ANKRD28: variants seen among roughly 807,000 people sequenced by gnomAD.
ANKRD28 encodes ankyrin repeat domain 28, also known as serine/threonine-protein phosphatase 6 regulatory ankyrin repeat subunit A.
Under a neutral mutation model 126.5 loss-of-function variants are expected in ANKRD28, and 44 were observed. The observed-to-expected ratio is 0.35, with a 90% CI of 0.27 to 0.45. The LOEUF (loss-of-function observed/expected upper bound fraction) is 0.45. Among genes scored for constraint, ANKRD28 ranks in the 20% least tolerant of loss-of-function variants. The probability of loss-of-function intolerance (pLI) is 1.00; values close to 1 mark genes in which losing one functional copy is unlikely to be tolerated. For missense variants in ANKRD28, 1,110 were observed against 1,316.6 expected (o/e 0.84, Z 2.43); for synonymous variants, 442 against 468.5 (o/e 0.94, Z 0.73).
chr3:15,764,233 A>T (rs556805994), intron 3 of ANKRD28, among the ~76,000 whole-genome samples: 2 of 152,196 alleles, frequency 1.3e-5, no homozygotes, highest in African/African-American at 2.4e-5. Flanking sequence ...AAAAATAAAA[A>T]AAGTATTTTT....
intron 3 of ANKRD28, among the ~76,000 whole-genome samples, chr3:15,762,209 A>AAAAC (rs2058508948): frequency 2.3e-5 from 1 of 43,684 alleles, no homozygotes; most frequent in Non-Finnish European, 5.9e-5. Context: ...AAAAAAAAAA[A>AAAAC]AAAACAAAAC....
Position 15,797,161 on chromosome 3 carries a change from GA to G in ANKRD28, c.-641del. The stretch of plus-strand genomic sequence containing the variant: ...GCACAAATCCTGAAAATGAAGCTCA[GA>G]GGTTAACAATTCTTTCAGTGTTTGG... On this transcript the variant is annotated 5_prime_UTR_variant, in exon 1 of 28. Coordinates refer to ENST00000683139, the MANE Select transcript of ANKRD28 (RefSeq NM_001349278.2). 1.0e-6 allele frequency: 1 copy of G among 960,438 alleles called. No homozygotes were observed. The highest frequency in any genetic ancestry group is 1.8e-5 in the African/African-American group (1 of 54,374). The allele number at this position is 960,438 out of a possible 1,614,324, so 59.5% of individuals were successfully genotyped here.
At chr3:15,783,067 A>G (rs1461485792) in intron 2 of ANKRD28, among the ~76,000 whole-genome samples, 1 of 152,090 alleles carries the variant, frequency 6.6e-6, no homozygotes, top group Non-Finnish European at 1.5e-5. Context: ...ACCGAGATCC[A>G]TAAAAGAATT....
rs180968336 is a variant in ANKRD28 at position 15,853,722 on chromosome 3, G to A, written c.27+5655C>T. 6.6e-6 allele frequency among the ~76,000 whole-genome samples: 1 copy of A among 152,096 alleles called. No individual in the cohort carries two copies. Among genetic ancestry groups the A allele is most frequent in the South Asian group, 2.1e-4 (1 of 4,820 alleles). ...CTGACCTCATGATCCGCCCGCCTCG[G>A]TCTCCCAAAGTGCTGGGATTACAGG... On this transcript the variant is annotated intron_variant, in intron 1 of 27. Transcript: ENST00000399451. The surrounding 1 kb of genome is among the most constrained non-coding windows in gnomAD (Gnocchi z 4.2).
At chr3:15,682,068 C>G (rs2067604346) in intron 21 of ANKRD28, among the ~76,000 whole-genome samples, 1 of 151,834 alleles carries the variant, frequency 6.6e-6, no homozygotes, top group African/African-American at 2.4e-5. Flanking sequence ...CCTAGGGAAC[C>G]CTGGGGTGAC....
chr3:15,670,680 G>T, intron 27 of ANKRD28, 124 bp from the exon 28 acceptor site: 1 of 994,568 alleles, frequency 1.0e-6, no homozygotes, highest in Non-Finnish European at 1.4e-6. Context: ...ATAATAAATT[G>T]CTGTAACCAG....
At chr3:15,826,762 G>T (rs1002731077) in intron 1 of ANKRD28, among the ~76,000 whole-genome samples, 5 of 152,048 alleles carry the variant, frequency 3.3e-5, no homozygotes, top group Admixed American at 6.6e-5. Flanking sequence ...CTGAAATGGC[G>T]GCAAAATTGG....
chr3:15,859,296 C>T, intron 1 of ANKRD28: 1 of 1,499,514 alleles, frequency 6.7e-7, no homozygotes, highest in Non-Finnish European at 8.9e-7. Flanking sequence ...GAGCGGGCGT[C>T]CCAGCGGCCC....
At chr3:15,823,862 C>T (rs11921219) in intron 1 of ANKRD28, among the ~76,000 whole-genome samples, 95,722 of 152,024 alleles carry the variant, frequency 0.63, 31,505 homozygotes, top group East Asian at 0.91. Flanking sequence ...AAATCCACTA[C>T]GTTTTCATGA....
At chr3:15,748,995 A>G (rs1378635010) in intron 4 of ANKRD28, among the ~76,000 whole-genome samples, 6 of 151,746 alleles carry the variant, frequency 4.0e-5, no homozygotes, top group African/African-American at 1.5e-4. Context: ...GAGACTTTCC[A>G]GTGCATTTTG....
chr3:15,685,216 T>TA lies in ANKRD28; in HGVS notation c.2389+9dup. ...ACACAATGATATGCATTTGTGTTTG[T>TA]ATACTTAACCATTGTAGCAAGCCCA... On this transcript the variant is annotated intron_variant, in intron 21 of 27. Coordinates refer to ENST00000683139, the MANE Select transcript of ANKRD28 (RefSeq NM_001349278.2). The TA allele has an allele frequency of 6.2e-7, 1 of 1,612,450 alleles. No individual in the cohort carries two copies. The highest frequency in any genetic ancestry group is 8.5e-7 in the Non-Finnish European group (1 of 1,178,550).
At position 15,670,479 on chromosome 3, in the gene ANKRD28, G is replaced by T; in HGVS notation, c.3043C>A (p.Pro1015Thr). 1.2e-6 allele frequency: 2 copies of T among 1,613,978 alleles called. No homozygotes were observed. The highest frequency in any genetic ancestry group is 4.5e-5 in the East Asian group (2 of 44,886). The change falls in exon 28 of 28, where the codon CCT becomes ACT. Residue 1015 changes from proline to threonine, a missense_variant. By Grantham distance (38) the Pro-to-Thr change is conservative. Coordinates refer to ENST00000683139, the MANE Select transcript of ANKRD28 (RefSeq NM_001349278.2). ...CLALILATMM[P>T]VSSSSPLSSL... ...GATAAAGGACTACTTGATGAGACAGGCATCATGGTGGCCAAAATGAGAGCC... is the reference window on the plus strand; with the variant it reads ...GATAAAGGACTACTTGATGAGACAGTCATCATGGTGGCCAAAATGAGAGCC...
In ANKRD28 at chr3:15,814,779, C is replaced by T. The variant is rs1296651026; in HGVS notation, c.28-19473G>A. The stretch of plus-strand genomic sequence containing the variant: ...AAGTTTAAAATATTCAATCTATACG[C>T]TTTTTGAATATGTAGAACATACTCA... On this transcript the variant is annotated intron_variant, in intron 1 of 27. Coordinates refer to the ANKRD28 transcript ENST00000399451. The surrounding 1 kb of genome is among the most constrained non-coding windows in gnomAD (Gnocchi z 4.7). 6.6e-6 allele frequency among the ~76,000 whole-genome samples: 1 copy of T among 151,688 alleles called. No homozygotes were observed. The highest frequency in any genetic ancestry group is 2.4e-5 in the African/African-American group (1 of 41,336).
Position 15,685,359 on chromosome 3 carries a change from A to T in ANKRD28, c.2256T>A (p.Pro752=). 6.2e-7 allele frequency: 1 copy of T among 1,614,038 alleles called. No individual in the cohort carries two copies. Reference sequence around the variant, plus strand: ...GTCCACAGGCAGCAGACAGGTGTATAGGCGTCCGGCCCCTGCTATCCCGAA... The same window carrying T: ...GTCCACAGGCAGCAGACAGGTGTATTGGCGTCCGGCCCCTGCTATCCCGAA... ...CLLRDSRGRT[P]IHLSAACGHI... is the part of the protein sequence containing the mutation. Residue 752 remains proline, a synonymous_variant, in exon 21 of 28, where the codon CCT becomes CCA. Transcript: ENST00000683139.
chr3:15,741,155 C>T (rs983487745), intron 4 of ANKRD28, among the ~76,000 whole-genome samples: 7 of 151,772 alleles, frequency 4.6e-5, no homozygotes, highest in East Asian at 3.9e-4. Flanking sequence ...GCCGAGATCG[C>T]GCCATTGCAC....
At position 15,797,378 on chromosome 3, in the gene ANKRD28, T is replaced by C; in HGVS notation, c.-857A>G. ...GTTAGCTTTATTCCCATCGATAGCA[T>C]AAGCAAGGCAGAGCGTTCATTCTTT... On this transcript the variant is annotated 5_prime_UTR_variant, in exon 1 of 28. It removes an upstream start codon present in the reference 5' UTR. Transcript: ENST00000683139. 1.0e-6 allele frequency: 1 copy of C among 985,368 alleles called. No individual in the cohort carries two copies. The highest frequency in any genetic ancestry group is 1.2e-6 in the Non-Finnish European group (1 of 829,930). The allele number at this position is 985,368 out of a possible 1,614,324, so 61.0% of individuals were successfully genotyped here.
At chr3:15,727,927 G>T (rs2074298970) in intron 6 of ANKRD28, among the ~76,000 whole-genome samples, 1 of 152,170 alleles carries the variant, frequency 6.6e-6, no homozygotes. Context: ...TTAGAGAAAT[G>T]ACTCCAATTT....
intron 1 of ANKRD28, among the ~76,000 whole-genome samples, chr3:15,850,224 T>TATATATATATATATATATAGAGAGAG (rs1418223588): frequency 2.6e-4 from 9 of 35,112 alleles, no homozygotes; most frequent in Non-Finnish European, 4.8e-4. Context: ...TATATATATA[T>TATATATATATATATATATAGAGAGAG]AGAGAGAGAG....
At chr3:15,721,447 A>G (rs2073717430) in intron 7 of ANKRD28, among the ~76,000 whole-genome samples, 1 of 152,230 alleles carries the variant, frequency 6.6e-6, no homozygotes, top group Non-Finnish European at 1.5e-5. Flanking sequence ...CGTTCTAGGT[A>G]AAGGATTTAC....
Sources: allele counts gnomAD v4.1 joint callset (sites outside exome capture counted in the v4.1 genomes callset), GRCh38; gene constraint gnomAD v4.1.1; non-coding constraint Gnocchi (gnomAD v3.1); transcripts MANE v1.5; gene names NCBI Gene and HGNC (gene_info 2026-07-23, HGNC 2026-07-21).